The following ZFHX3 variants were observed in gnomAD, a reference collection of about 807,000 sequenced individuals.
The protein encoded by ZFHX3 is zinc finger homeobox protein 3.
A neutral mutation model predicts 279.1 loss-of-function variants in ZFHX3; 42 were observed. The ratio of observed to expected loss-of-function variants is 0.15; its 90% CI spans 0.12 to 0.19. The LOEUF (loss-of-function observed/expected upper bound fraction) is 0.19. Among genes scored for constraint, ZFHX3 ranks in the 10% least tolerant of loss-of-function variants. The pLI is 1.00. For missense variants in ZFHX3, 4,981 were observed against 4,754.0 expected, an observed-to-expected ratio of 1.05 and a Z score of -1.40; for synonymous variants, 2,293 against 1,957.8, an observed-to-expected ratio of 1.17 and a Z score of -4.52.
Position 72,796,350 on chromosome 16 carries a change from G to A in ZFHX3, c.6332C>T (p.Pro2111Leu), listed in dbSNP as rs772830273. 15 of 1,613,810 alleles carry A rather than the reference G, an allele frequency of 9.3e-6. No homozygotes were observed. The highest frequency in any genetic ancestry group is 6.7e-5 in the Admixed American group (4 of 59,990). The change falls in exon 9 of 10, where the codon CCG (proline) becomes CTG (leucine). Residue 2111 changes from proline to leucine, a missense_variant. This residue lies in a region of ZFHX3 where 1,751 missense variants were observed against 1,770.0 expected (regional missense o/e 0.99). Transcript: ENST00000268489. ...TCCCAGCTGCGGGGGTAGCTGAGCC[G>A]GCAAGGTCTGCAGCGGCATCGTCTG... ...MMQTMPLQTL[P>L]AQLPPQLGPV... is the part of the protein sequence containing the mutation.
At chr16:73,109,714 TG>T (rs1404389792) in intron 7 of ZFHX3, among the ~76,000 whole-genome samples, 1 of 152,084 alleles carries the variant, frequency 6.6e-6, no homozygotes, top group East Asian at 1.9e-4. Flanking sequence ...CTGAGTATGG[TG>T]GTGCACACCT....
At chr16:73,562,005 C>G (rs959033556) in intron 2 of ZFHX3, among the ~76,000 whole-genome samples, 2 of 152,142 alleles carry the variant, frequency 1.3e-5, no homozygotes, top group African/African-American at 4.8e-5. Flanking sequence ...AATAAAAGAG[C>G]TCTAAAAATC....
At chr16:73,321,129 C>T (rs1597283015) in intron 3 of ZFHX3, among the ~76,000 whole-genome samples, 2 of 152,224 alleles carry the variant, frequency 1.3e-5, no homozygotes, top group East Asian at 3.9e-4. Context: ...GCCAACCACA[C>T]TCATAAATTG....
chr16:73,450,967 A>G (rs1202706535), intron 3 of ZFHX3, among the ~76,000 whole-genome samples: 1 of 152,246 alleles, frequency 6.6e-6, no homozygotes, highest in Non-Finnish European at 1.5e-5. Context: ...GGAACAAAGC[A>G]AAGCAAAAAC....
intron 1 of ZFHX3, among the ~76,000 whole-genome samples, chr16:73,837,800 C>T (rs946831187): frequency 6.6e-6 from 1 of 152,172 alleles, no homozygotes; most frequent in African/African-American, 2.4e-5. Context: ...CCACGCCCGG[C>T]TAATTTGGTA....
At chr16:73,796,787 C>T (rs1960002869) in intron 1 of ZFHX3, among the ~76,000 whole-genome samples, 1 of 152,170 alleles carries the variant, frequency 6.6e-6, no homozygotes, top group South Asian at 2.1e-4. Context: ...GGACCCAAAA[C>T]TGGCTCACAG....
rs570699502 is a variant in ZFHX3, at chr16:73,067,079, A to T, written c.-532-8067T>A. On this transcript the variant is annotated intron_variant, in intron 8 of 17. Coordinates refer to the ZFHX3 transcript ENST00000641206. ...CTGCTCGCCTCCAAGGCAGACCAGA[A>T]ACCGGGCCCGCCAAGGAGGCGGGAG... Among the ~76,000 whole-genome samples, 94 of 152,178 alleles carry T rather than the reference A, an allele frequency of 6.2e-4. 1 individual carries two copies. The highest frequency in any genetic ancestry group is 2.2e-3 in the African/African-American group (90 of 41,532).
intron 2 of ZFHX3, among the ~76,000 whole-genome samples, chr16:73,612,018 A>G (rs987869869): frequency 2.0e-5 from 3 of 152,234 alleles, no homozygotes; most frequent in Middle Eastern, 3.2e-3. Context: ...CAGCAACTGT[A>G]CATAACATGT....
intron 2 of ZFHX3, among the ~76,000 whole-genome samples, chr16:73,513,866 T>C (rs576369538): frequency 6.6e-6 from 1 of 152,052 alleles, no homozygotes; most frequent in East Asian, 1.9e-4. Context: ...ACACAGCCCA[T>C]GGACTGTCAG....
At chr16:73,383,474 A>G (rs934368537) in intron 3 of ZFHX3, among the ~76,000 whole-genome samples, 4 of 152,222 alleles carry the variant, frequency 2.6e-5, no homozygotes, top group Non-Finnish European at 5.9e-5. Context: ...ATCTCTGGAG[A>G]AAAATGAAAG....
intron 3 of ZFHX3, among the ~76,000 whole-genome samples, chr16:73,411,800 G>C (rs573368816): frequency 6.6e-6 from 1 of 152,096 alleles, no homozygotes; most frequent in Non-Finnish European, 1.5e-5. Flanking sequence ...TTACTGCCAC[G>C]CCCAGCATCC....
chr16:72,901,741 A>T (rs1428757326), intron 3 of ZFHX3, among the ~76,000 whole-genome samples: 1 of 152,210 alleles, frequency 6.6e-6, no homozygotes, highest in Admixed American at 6.5e-5. Context: ...GGAAGGACAG[A>T]AGAGTCTGCT....
intron 5 of ZFHX3, among the ~76,000 whole-genome samples, chr16:73,174,021 C>T (rs976695320): frequency 2.0e-5 from 3 of 152,128 alleles, no homozygotes; most frequent in Non-Finnish European, 2.9e-5. Context: ...AGTTAGTTTC[C>T]GGGCTCCCAA....
chr16:73,559,479 G>A (rs1473631239), intron 2 of ZFHX3, among the ~76,000 whole-genome samples: 1 of 152,090 alleles, frequency 6.6e-6, no homozygotes, highest in African/African-American at 2.4e-5. Context: ...CTTCTCTCAG[G>A]CCTGTTCATC....
chr16:73,090,048 CT>C (rs567149541), intron 8 of ZFHX3, among the ~76,000 whole-genome samples: 5 of 152,318 alleles, frequency 3.3e-5, no homozygotes, highest in African/African-American at 1.2e-4. Flanking sequence ...GGCTGAGGCA[CT>C]TTTTTTCCTA....
chr16:72,959,996 C>T lies in ZFHX3; in HGVS notation c.150G>A (p.Leu50=). 1 of 1,613,762 alleles carries T rather than the reference C, an allele frequency of 6.2e-7. No individual in the cohort carries two copies. Among genetic ancestry groups the T allele is most frequent in the East Asian group, 2.2e-5 (1 of 44,862 alleles). ...EQSTGESHGP[L]DSLRAPFNER... ...CATTGAAGGGGGCCCTCAGGCTGTC[C>T]AAGGGCCCGTGGCTCTCGCCTGTGG... is the stretch of plus-strand genomic sequence containing the variant. Residue 50 remains leucine, a synonymous_variant, in exon 2 of 10, where the codon TTG becomes TTA. Coordinates refer to ENST00000268489, the MANE Select transcript of ZFHX3 (RefSeq NM_006885.4).
chr16:72,788,462 T>C lies in ZFHX3; in HGVS notation c.9814A>G (p.Ile3272Val). The C allele has an allele frequency of 6.2e-7, 1 of 1,614,154 alleles. No homozygotes were observed. Among genetic ancestry groups the C allele is most frequent in the Non-Finnish European group, 8.5e-7 (1 of 1,180,008 alleles). Residue 3272 changes from isoleucine to valine, a missense_variant, in exon 10 of 10, where the codon ATC (isoleucine) becomes GTC (valine). Around this residue, in one of 7 missense-constraint regions of ZFHX3, gnomAD observed 1,034 missense variants for 786.0 expected, o/e 1.32. Transcript: ENST00000268489. ...GEAPTATAAT[I>V]SAPLPTMEYA... ...TCCATGGTGGGCAGCGGGGCTGAGA[T>C]CGTGGCTGCAGTTGCCGTGGGGGCC...
intron 1 of ZFHX3, among the ~76,000 whole-genome samples, chr16:73,873,470 G>C (rs1033249465): frequency 6.6e-6 from 1 of 150,560 alleles, no homozygotes; most frequent in Non-Finnish European, 1.5e-5. Flanking sequence ...TTTATCCTAA[G>C]TGGCATATTA....
chr16:73,201,116 C>G (rs1968258538), intron 5 of ZFHX3, among the ~76,000 whole-genome samples: 1 of 152,232 alleles, frequency 6.6e-6, no homozygotes, highest in South Asian at 2.1e-4. Flanking sequence ...GGACACTACA[C>G]CACCTTGTCT....
Sources: gnomAD v4.1 joint callset for allele counts (sites outside exome capture counted in the v4.1 genomes callset) on GRCh38, gnomAD v4.1.1 for gene constraint, gnomAD v4.1.1 regional missense constraint, MANE v1.5 for transcripts, NCBI Gene and HGNC (gene_info 2026-07-23, HGNC 2026-07-21) for gene names.